KLHL14: variants seen among roughly 807,000 people sequenced by gnomAD.
The protein encoded by KLHL14 is kelch-like protein 14.
Under a neutral mutation model 64.3 loss-of-function variants are expected in KLHL14, and 22 were observed. The ratio of observed to expected loss-of-function variants is 0.34; its 90% CI spans 0.24 to 0.49. The LOEUF (loss-of-function observed/expected upper bound fraction) is 0.49. KLHL14 is among the 20% of genes least tolerant of loss of function. The probability of loss-of-function intolerance (pLI) is 0.99; values close to 1 mark genes in which losing one functional copy is unlikely to be tolerated. For synonymous variants in KLHL14, 322 were observed against 333.4 expected (o/e 0.97, Z 0.37); for missense variants, 661 against 789.0 (o/e 0.84, Z 1.94).
intron 4 of KLHL14, among the ~76,000 whole-genome samples, chr18:32,687,704 A>C (rs1007815932): frequency 6.6e-6 from 1 of 152,222 alleles, no homozygotes; most frequent in Non-Finnish European, 1.5e-5. Context: ...CTTTTCAGAA[A>C]AAATTATTTT....
rs1264214110 is a variant in KLHL14, at chr18:32,672,944, T to C, written c.*1713A>G. The C allele has an allele frequency of 1.3e-5, 2 of 152,600 alleles. No individual in the cohort carries two copies. The highest frequency in any genetic ancestry group is 4.8e-5 in the African/African-American group (2 of 41,436). The allele number at this position is 152,600 out of a possible 1,614,324, so 9.5% of individuals were successfully genotyped here. On this transcript the variant is annotated 3_prime_UTR_variant, in exon 9 of 9. Coordinates refer to ENST00000359358, the MANE Select transcript of KLHL14 (RefSeq NM_020805.3). ...TGACTTTTGGAAGAAACAGTGACAG[T>C]TGACAACAAAAGGTTCTGAAGCAGA...
intron 1 of KLHL14, among the ~76,000 whole-genome samples, chr18:32,771,518 C>A (rs1011773019): frequency 6.6e-6 from 1 of 152,202 alleles, no homozygotes; most frequent in African/African-American, 2.4e-5. Context: ...CCGCCACCCC[C>A]ACCCGGTGGC....
chr18:32,755,171 A>G (rs2050275543), intron 2 of KLHL14, among the ~76,000 whole-genome samples: 2 of 152,024 alleles, frequency 1.3e-5, no homozygotes, highest in South Asian at 4.1e-4. Flanking sequence ...TGGTGCCACA[A>G]TGAACCCTAG....
At chr18:32,755,105 T>G (rs1484239200) in intron 2 of KLHL14, among the ~76,000 whole-genome samples, 1 of 151,994 alleles carries the variant, frequency 6.6e-6, no homozygotes, top group Non-Finnish European at 1.5e-5. Flanking sequence ...CTCTCCCTCC[T>G]TGTAGGGAGC....
At chr18:32,735,927 G>C (rs2050163704) in intron 3 of KLHL14, among the ~76,000 whole-genome samples, 1 of 152,044 alleles carries the variant, frequency 6.6e-6, no homozygotes, top group Non-Finnish European at 1.5e-5. Context: ...TATTCTTTCA[G>C]TACTTACATT....
intron 3 of KLHL14, among the ~76,000 whole-genome samples, chr18:32,719,691 G>GGCA (rs2050066465): frequency 6.6e-6 from 1 of 152,146 alleles, no homozygotes; most frequent in African/African-American, 2.4e-5. Flanking sequence ...ATTTCCAAAA[G>GGCA]GCACGATATC....
Position 32,770,263 on chromosome 18 carries a change from G to T in KLHL14, c.329C>A (p.Ser110Tyr). 1.3e-6 allele frequency: 2 copies of T among 1,593,190 alleles called. No individual in the cohort carries two copies. Among genetic ancestry groups the T allele is most frequent in the Non-Finnish European group, 1.7e-6 (2 of 1,168,360 alleles). The change falls in exon 2 of 9, where the codon TCC becomes TAC. Residue 110 changes from serine (S) to tyrosine (Y), a missense_variant. Physicochemically the swap from Ser to Tyr is moderately radical, Grantham distance 144 (BLOSUM62 -2). This residue lies in a region of KLHL14 where 331 missense variants were observed against 339.0 expected (regional missense o/e 0.98). Coordinates refer to ENST00000359358, the MANE Select transcript of KLHL14 (RefSeq NM_020805.3). The surrounding 1 kb of genome is among the most constrained non-coding windows in gnomAD (Gnocchi z 6.7). The part of the protein sequence containing the change: ...PQEEPGTPSS[S>Y]PDDKLLTSPR... ...GCTGGTCAGCAGCTTGTCGTCGGGG[G>T]AGGAAGAAGGAGTCCCGGGCTCCTC...
intron 5 of KLHL14, among the ~76,000 whole-genome samples, chr18:32,682,987 A>G (rs1162631500): frequency 6.6e-6 from 1 of 152,214 alleles, no homozygotes; most frequent in Non-Finnish European, 1.5e-5. Context: ...TCTGTGCAGC[A>G]TTAGTCTAGA....
intron 2 of KLHL14, chr18:32,742,710 A>G (rs2050205226): frequency 6.6e-6 from 1 of 152,484 alleles, no homozygotes; most frequent in Non-Finnish European, 1.5e-5. Context: ...ACCAATTGGT[A>G]AAAATGAGAC....
intron 3 of KLHL14, among the ~76,000 whole-genome samples, chr18:32,716,030 T>C (rs2144504741): frequency 6.6e-6 from 1 of 152,336 alleles, no homozygotes; most frequent in Middle Eastern, 3.4e-3. Flanking sequence ...AAACAGACAC[T>C]AATTTTATGT....
At position 32,677,240 on chromosome 18, in the gene KLHL14, C is replaced by T. The variant is rs1568061832; in HGVS notation, c.1679G>A (p.Arg560Gln). ...NILQTPILEGRSGPGCAVLDD... is the reference protein window; with the variant it reads ...NILQTPILEGQSGPGCAVLDD... ...AAGCACTGCACAGCCAGGGCCACTT[C>T]GACCCTCCAAAATGGGAGTTTGGAG... Residue 560 changes from arginine (R) to glutamine (Q), a missense_variant, in exon 8 of 9, where the codon CGA becomes CAA. Transcript: ENST00000359358. 1.9e-6 allele frequency: 3 copies of T among 1,613,548 alleles called. No individual in the cohort carries two copies. The highest frequency in any genetic ancestry group is 8.5e-7 in the Non-Finnish European group (1 of 1,179,706).
intron 2 of KLHL14, among the ~76,000 whole-genome samples, chr18:32,768,390 GACACACACACACAC>G (rs10567081): frequency 1.7e-4 from 24 of 141,676 alleles, no homozygotes; most frequent in East Asian, 4.4e-4. Context: ...GAAACATAAT[GACACACACACACAC>G]ACACACACAC....
At chr18:32,692,409 T>C (rs2049912068) in intron 4 of KLHL14, among the ~76,000 whole-genome samples, 2 of 152,196 alleles carry the variant, frequency 1.3e-5, no homozygotes, top group South Asian at 4.1e-4. Context: ...AACCCACGGA[T>C]TTAAAAGCTT....
In KLHL14 at chr18:32,680,570, T is replaced by C; in HGVS notation, c.1268A>G (p.Asp423Gly). 1.9e-6 allele frequency: 3 copies of C among 1,612,782 alleles called. No individual in the cohort carries two copies. Among genetic ancestry groups the C allele is most frequent in the Non-Finnish European group, 1.7e-6 (2 of 1,179,504 alleles). ...RRASFYACRL[D>G]KHLYVIGGRN... ...TCCACCAATTACGTATAAATGCTTG[T>C]CCAACCGACATGCATAGAAACTGGC... Residue 423 changes from aspartate (D) to glycine (G), a missense_variant, in exon 6 of 9, where the codon GAC becomes GGC. Physicochemically the swap from Asp to Gly is moderately conservative, Grantham distance 94 (BLOSUM62 -1). Transcript: ENST00000359358. The surrounding 1 kb of genome is among the most constrained non-coding windows in gnomAD (Gnocchi z 4.8).
At chr18:32,752,342 CG>C (rs2144540731) in intron 2 of KLHL14, among the ~76,000 whole-genome samples, 1 of 152,136 alleles carries the variant, frequency 6.6e-6, no homozygotes, top group Admixed American at 6.5e-5. Context: ...AAGGAAAAAG[CG>C]TATTTCTGAA....
In KLHL14 at chr18:32,756,372, C is replaced by T. The variant is rs147053248; in HGVS notation, c.947+13273G>A. On this transcript the variant is annotated intron_variant, in intron 2 of 8. Coordinates refer to ENST00000359358, the MANE Select transcript of KLHL14 (RefSeq NM_020805.3). ...TGGAGACAATAAATTTTTGTTAAGC[C>T]ACTTGGAGACTTTAGGGTTTAGAGT... Among the ~76,000 whole-genome samples, 15 of 151,226 alleles carry T rather than the reference C, an allele frequency of 9.9e-5. No individual in the cohort carries two copies. The East Asian group carries it at 2.8e-3, about 28-fold the overall frequency.
At position 32,674,576 on chromosome 18, in the gene KLHL14, G is replaced by T; in HGVS notation, c.*81C>A. On this transcript the variant is annotated 3_prime_UTR_variant, in exon 9 of 9. Transcript: ENST00000359358. ...GTTTTGGCAGTTGTACCATTAGAAT[G>T]CATTGTTCCTATTATAATAGTGATG... The T allele has an allele frequency of 1.4e-6, 1 of 728,026 alleles. No individual in the cohort carries two copies. The allele number at this position is 728,026 out of a possible 1,614,324, so 45.1% of individuals were successfully genotyped here. A position where few individuals can be genotyped will look rare whatever the true frequency, so the allele number is the denominator to read the frequency against.
intron 3 of KLHL14, among the ~76,000 whole-genome samples, chr18:32,707,910 G>A (rs1309056331): frequency 6.6e-6 from 1 of 152,166 alleles, no homozygotes; most frequent in Non-Finnish European, 1.5e-5. Flanking sequence ...GAACCTGGGG[G>A]TGGTCTTGAG....
At chr18:32,760,689 A>C (rs1224290330) in intron 2 of KLHL14, among the ~76,000 whole-genome samples, 2 of 152,218 alleles carry the variant, frequency 1.3e-5, no homozygotes, top group African/African-American at 2.4e-5. Flanking sequence ...GAAGCCAGAC[A>C]TATGCATGTG....
Sources: allele counts gnomAD v4.1 joint callset (sites outside exome capture counted in the v4.1 genomes callset), GRCh38; gene constraint gnomAD v4.1.1; regional missense constraint gnomAD v4.1.1; non-coding constraint Gnocchi (gnomAD v3.1); transcripts MANE v1.5; gene names NCBI Gene and HGNC (gene_info 2026-07-23, HGNC 2026-07-21).